IL6R: variants seen among roughly 807,000 people sequenced by gnomAD.
IL6R encodes interleukin 6 receptor, also known as interleukin-6 receptor subunit alpha.
A neutral mutation model predicts 48.3 loss-of-function variants in IL6R; 38 were observed. The ratio of observed to expected loss-of-function variants is 0.79; its 90% CI spans 0.61 to 1.03. The LOEUF is 1.03. Among genes scored for constraint, IL6R ranks in the 50% least tolerant of loss-of-function variants. The pLI, the probability that IL6R is intolerant of heterozygous loss-of-function variation, is 0.00. For missense variants in IL6R, 534 were observed against 618.3 expected (o/e 0.86, Z 1.45); for synonymous variants, 264 against 256.2 (o/e 1.03, Z -0.29).
chr1:154,434,268 G>A (rs1031320783), intron 3 of IL6R, among the ~76,000 whole-genome samples: 2 of 152,006 alleles, frequency 1.3e-5, no homozygotes, highest in Admixed American at 6.6e-5. Flanking sequence ...CCGAGACTGC[G>A]CCACTGCACT....
chr1:154,443,854 C>T (rs977838637), intron 6 of IL6R, among the ~76,000 whole-genome samples: 9 of 152,202 alleles, frequency 5.9e-5, no homozygotes, highest in Admixed American at 5.9e-4. Flanking sequence ...ATCCTCCCTC[C>T]TGTGCCAGGT....
chr1:154,462,084 C>A (rs1440635798), intron 9 of IL6R, among the ~76,000 whole-genome samples: 1 of 152,150 alleles, frequency 6.6e-6, no homozygotes, highest in Non-Finnish European at 1.5e-5. Flanking sequence ...AGGAAATGGG[C>A]CAAAGTGCAG....
chr1:154,434,721 T>C, intron 4 of IL6R, 21 bp downstream of exon 4: 1 of 1,599,374 alleles, frequency 6.3e-7, no homozygotes, highest in Non-Finnish European at 8.5e-7. Context: ...TCTAACCCCC[T>C]CTCCAGCAGT....
chr1:154,427,998 G>C (rs773037520), intron 1 of IL6R, among the ~76,000 whole-genome samples: 6 of 152,182 alleles, frequency 3.9e-5, no homozygotes, highest in Non-Finnish European at 7.3e-5. Flanking sequence ...GCTACTGCTT[G>C]CTAATAAATG....
intron 9 of IL6R, among the ~76,000 whole-genome samples, chr1:154,458,049 C>T (rs753344655): frequency 2.8e-4 from 42 of 150,910 alleles, no homozygotes; most frequent in Non-Finnish European, 5.2e-4. Flanking sequence ...TCACTGCAAC[C>T]TCCGCCTCCC....
chr1:154,425,091 CAT>C (rs1688887871), intron 1 of IL6R, among the ~76,000 whole-genome samples: 1 of 152,196 alleles, frequency 6.6e-6, no homozygotes, highest in Non-Finnish European at 1.5e-5. Context: ...CTATAGATAA[CAT>C]AACCGATTAG....
chr1:154,434,609 A>G lies in IL6R; in HGVS notation c.549A>G (p.Gly183=), dbSNP rs1031958327. ...KFSCQLAVPE[G]DSSFYIVSMC... ...CCTGCCAGTTAGCAGTCCCGGAGGG[A>G]GACAGCTCTTTCTACATAGTGTCCA... The change falls in exon 4 of 10, where the codon GGA becomes GGG. Residue 183 remains glycine, a synonymous_variant. Transcript: ENST00000368485. The G allele has an allele frequency of 2.5e-6, 4 of 1,613,880 alleles. No homozygotes were observed. In the African/African-American group the frequency reaches 5.3e-5, roughly 22 times the overall value.
rs1355009431 is a variant in IL6R, at chr1:154,435,959, C to T, written c.808-10C>T. 6.3e-7 allele frequency: 1 copy of T among 1,592,804 alleles called. No homozygotes were observed. Among genetic ancestry groups the T allele is most frequent in the Non-Finnish European group, 8.6e-7 (1 of 1,164,630 alleles). ...ATACCTCCCCAGAGTCACCGTGCCC[C>T]CGCCCTCAGGTCAAGGACCTCCAGC... On this transcript the variant is annotated splice_polypyrimidine_tract_variant and intron_variant, in intron 5 of 9. Transcript: ENST00000368485.
intron 9 of IL6R, among the ~76,000 whole-genome samples, chr1:154,458,626 C>T (rs965696058): frequency 2.0e-5 from 3 of 152,218 alleles, no homozygotes; most frequent in Non-Finnish European, 4.4e-5. Flanking sequence ...ATAGGCCAGG[C>T]GCGGTGGCTC....
At chr1:154,452,661 C>G (rs879862394) in intron 8 of IL6R, among the ~76,000 whole-genome samples, 4 of 151,868 alleles carry the variant, frequency 2.6e-5, no homozygotes, top group Non-Finnish European at 5.9e-5. Context: ...GAAACCCCGT[C>G]TCTACTAAAA....
At chr1:154,437,915 T>G (rs759213063) in intron 6 of IL6R, among the ~76,000 whole-genome samples, 2 of 150,120 alleles carry the variant, frequency 1.3e-5, no homozygotes, top group Admixed American at 6.6e-5. Context: ...GGGGTTTCAC[T>G]GTGTTGGCCA....
rs893097648 is a variant in IL6R at position 154,436,039 on chromosome 1, G to A, written c.878G>A (p.Arg293His). The A allele has an allele frequency of 6.2e-6, 10 of 1,613,082 alleles. No individual in the cohort carries two copies. The East Asian group carries it at 1.6e-4, about 25-fold the overall frequency. The change falls in exon 6 of 10, where the codon CGT becomes CAT. Residue 293 changes from arginine to histidine, a missense_variant. Coordinates refer to ENST00000368485, the MANE Select transcript of IL6R (RefSeq NM_000565.4). Reference sequence around the variant, plus strand: ...GGCCTGAGGCACGTGGTGCAGCTTCGTGCCCAGGAGGAGTTCGGGCAAGGC... The same window carrying A: ...GGCCTGAGGCACGTGGTGCAGCTTCATGCCCAGGAGGAGTTCGGGCAAGGC... ...WSGLRHVVQL[R>H]AQEEFGQGEW...
At chr1:154,427,844 A>G (rs6687726) in intron 1 of IL6R, among the ~76,000 whole-genome samples, 77,972 of 151,958 alleles carry the variant, frequency 0.51, 20,457 homozygotes, top group Admixed American at 0.62. Flanking sequence ...AGTATGAGAT[A>G]AAAACGCCTC....
chr1:154,409,857 C>G (rs965000000), intron 1 of IL6R, among the ~76,000 whole-genome samples: 5 of 152,158 alleles, frequency 3.3e-5, no homozygotes, highest in African/African-American at 1.2e-4. Flanking sequence ...GGGAGACAGA[C>G]CCCATGTGTG....
At chr1:154,433,565 C>T (rs1689428001) in intron 3 of IL6R, among the ~76,000 whole-genome samples, 1 of 152,158 alleles carries the variant, frequency 6.6e-6, no homozygotes, top group Non-Finnish European at 1.5e-5. Flanking sequence ...GCCAAGAGCA[C>T]AGGCCCAGCG....
chr1:154,434,891 G>C, intron 4 of IL6R, 99 bp from the exon 5 acceptor site: 2 of 1,335,612 alleles, frequency 1.5e-6, no homozygotes, highest in Non-Finnish European at 2.1e-6. Flanking sequence ...GGGAGTGAAC[G>C]GGGCTGGGTG....
intron 2 of IL6R, among the ~76,000 whole-genome samples, chr1:154,429,844 A>ATG (rs773535848): frequency 4.6e-5 from 7 of 151,804 alleles, no homozygotes; most frequent in Non-Finnish European, 1.0e-4. Context: ...GAATTTGCGT[A>ATG]TGTGTGTGTG....
chr1:154,435,086 C>T lies in IL6R; in HGVS notation c.737C>T (p.Ser246Leu). The change falls in exon 5 of 10, where the codon TCA (serine) becomes TTA (leucine). Residue 246 changes from serine to leucine, a missense_variant. Ser to Leu is a moderately radical substitution (Grantham distance 145). Coordinates refer to ENST00000368485, the MANE Select transcript of IL6R (RefSeq NM_000565.4). ...VTWQDPHSWN[S>L]SFYRLRFELR... The stretch of plus-strand genomic sequence containing the variant: ...TGGCAAGACCCCCACTCCTGGAACT[C>T]ATCTTTCTACAGACTACGGTTTGAG... 6.2e-7 allele frequency: 1 copy of T among 1,614,172 alleles called. No individual in the cohort carries two copies. Among genetic ancestry groups the T allele is most frequent in the Non-Finnish European group, 8.5e-7 (1 of 1,179,982 alleles).
At position 154,455,189 on chromosome 1, in the gene IL6R, G is replaced by C. The variant is rs142151772; in HGVS notation, c.1160+608G>C. Among the ~76,000 whole-genome samples the C allele has an allele frequency of 5.1e-3, 782 of 152,250 alleles. 7 individuals carry two copies. Among genetic ancestry groups the C allele is most frequent in the African/African-American group, 0.018 (735 of 41,536 alleles). On this transcript the variant is annotated intron_variant, in intron 9 of 9. Coordinates refer to ENST00000368485, the MANE Select transcript of IL6R (RefSeq NM_000565.4). ...GCCTCCCAATGTGTTGGGATTACAG[G>C]TGTGAACTACCATGCCCGGCCCAAA...
Sources: allele counts gnomAD v4.1 joint callset (sites outside exome capture counted in the v4.1 genomes callset), GRCh38; gene constraint gnomAD v4.1.1; transcripts MANE v1.5; gene names NCBI Gene and HGNC (gene_info 2026-07-23, HGNC 2026-07-21).